ABLIM3: variants seen among roughly 807,000 people sequenced by gnomAD.
The protein encoded by ABLIM3 is actin-binding LIM protein 3.
ABLIM3 carries 61 observed loss-of-function variants against 109.5 expected under a neutral mutation model. The observed-to-expected ratio is 0.56, with a 90% CI of 0.45 to 0.69. The LOEUF is 0.69. ABLIM3 is among the 30% of genes least tolerant of loss of function. The pLI, the probability that ABLIM3 is intolerant of heterozygous loss-of-function variation, is 0.00. For synonymous variants in ABLIM3, 300 were observed against 324.8 expected (o/e 0.92, Z 0.82); for missense variants, 796 against 889.5 (o/e 0.89, Z 1.34).
chr5:149,202,676 G>C (rs1413427681), intron 5 of ABLIM3, among the ~76,000 whole-genome samples: 1 of 152,128 alleles, frequency 6.6e-6, no homozygotes, highest in African/African-American at 2.4e-5. Flanking sequence ...AGTAAATAAA[G>C]ATATTCTGGA....
At chr5:149,220,850 G>A (rs912722301) in intron 8 of ABLIM3, 4 of 152,192 alleles carry the variant, frequency 2.6e-5, no homozygotes, top group African/African-American at 7.2e-5. Flanking sequence ...CAAACTGGGG[G>A]CCACGCTATG....
intron 11 of ABLIM3, 99 bp downstream of exon 11, chr5:149,237,702 G>T: frequency 6.7e-7 from 1 of 1,491,806 alleles, no homozygotes; most frequent in Non-Finnish European, 9.1e-7. Flanking sequence ...CCTCCACAAT[G>T]CTGGCTCCCA....
chr5:149,176,862 G>A (rs1490350564), intron 2 of ABLIM3: 2 of 152,178 alleles, frequency 1.3e-5, no homozygotes, highest in Non-Finnish European at 2.9e-5. Flanking sequence ...TCCAGACTTA[G>A]GATAATGTAG....
intron 2 of ABLIM3, among the ~76,000 whole-genome samples, chr5:149,171,732 T>C (rs10054527): frequency 0.42 from 64,415 of 152,090 alleles, 14,292 homozygotes; most frequent in East Asian, 0.68. Context: ...GCCCACATCT[T>C]ATCCTGACTG....
chr5:149,227,894 C>A (rs754205533), intron 8 of ABLIM3, among the ~76,000 whole-genome samples: 1 of 152,168 alleles, frequency 6.6e-6, no homozygotes, highest in Non-Finnish European at 1.5e-5. Context: ...TCTGCAGTTC[C>A]TGCAGATATA....
At chr5:149,171,882 C>T (rs1004206541) in intron 2 of ABLIM3, among the ~76,000 whole-genome samples, 20 of 140,960 alleles carry the variant, frequency 1.4e-4, no homozygotes, top group African/African-American at 5.1e-4. Context: ...TGGCATAGAC[C>T]AGATGTCCAA....
At chr5:149,158,685 A>G (rs920293946) in intron 2 of ABLIM3, among the ~76,000 whole-genome samples, 2 of 152,230 alleles carry the variant, frequency 1.3e-5, no homozygotes, top group Non-Finnish European at 2.9e-5. Flanking sequence ...CACTGACCTA[A>G]ATAAACCAAA....
intron 2 of ABLIM3, among the ~76,000 whole-genome samples, chr5:149,168,527 G>A (rs1350966484): frequency 6.6e-6 from 1 of 152,144 alleles, no homozygotes. Flanking sequence ...TCTGCCTGAT[G>A]GGAGATGGCT....
chr5:149,143,353 A>T (rs913489774), intron 2 of ABLIM3, among the ~76,000 whole-genome samples: 20 of 151,812 alleles, frequency 1.3e-4, no homozygotes, highest in African/African-American at 4.6e-4. Context: ...ACAGAGTGAG[A>T]CTCTGTCTCA....
At position 149,259,711 on chromosome 5, in the gene ABLIM3, A is replaced by G. The variant is rs539476431; in HGVS notation, c.*1307A>G. 7.7e-5 allele frequency: 79 copies of G among 1,025,490 alleles called. No individual in the cohort carries two copies. The African/African-American group carries it at 1.0e-3, about 13-fold the overall frequency. 63.5% of individuals were successfully genotyped at this position (1,025,490 alleles called of 1,614,324 possible). ...CTCCTCTCCAAACCTTTCACCTTGA[A>G]TGGGTAATGTTTGGTGGGGGCTGTT... On this transcript the variant is annotated 3_prime_UTR_variant, in exon 24 of 24. Transcript: ENST00000309868.
intron 8 of ABLIM3, chr5:149,217,268 A>G: frequency 1.7e-6 from 1 of 575,918 alleles, no homozygotes; most frequent in Non-Finnish European, 3.1e-6. Flanking sequence ...GTCTCTGTGC[A>G]CCTCCACCCG....
At chr5:149,255,831 A>G (rs960014309) in intron 23 of ABLIM3, among the ~76,000 whole-genome samples, 1 of 152,194 alleles carries the variant, frequency 6.6e-6, no homozygotes, top group Non-Finnish European at 1.5e-5. Flanking sequence ...TGAAAAGATC[A>G]CCATGATAGT....
At chr5:149,208,795 A>G (rs1181378466) in intron 6 of ABLIM3, among the ~76,000 whole-genome samples, 2 of 152,180 alleles carry the variant, frequency 1.3e-5, no homozygotes. Flanking sequence ...TGGCCAAACA[A>G]CACCTGCCTG....
chr5:149,148,630 T>C (rs77055955), intron 2 of ABLIM3, among the ~76,000 whole-genome samples: 1,682 of 152,244 alleles, frequency 0.011, 22 homozygotes, highest in African/African-American at 0.038. Flanking sequence ...TATCACACTC[T>C]GCTTAAAGTG....
chr5:149,158,204 A>T (rs1754017938), intron 2 of ABLIM3, among the ~76,000 whole-genome samples: 1 of 152,184 alleles, frequency 6.6e-6, no homozygotes, highest in Admixed American at 6.5e-5. Flanking sequence ...CTCCTTGAAG[A>T]TAGAAATCAC....
At chr5:149,241,728 C>T (rs929044976) in intron 14 of ABLIM3, among the ~76,000 whole-genome samples, 2 of 152,162 alleles carry the variant, frequency 1.3e-5, no homozygotes, top group African/African-American at 2.4e-5. Context: ...CACTGCATTC[C>T]AGCCTGGGTG....
At position 149,259,587 on chromosome 5, in the gene ABLIM3, G is replaced by T. The variant is rs1387454463; in HGVS notation, c.*1183G>T. The T allele has an allele frequency of 8.5e-6, 13 of 1,535,958 alleles. No homozygotes were observed. Among genetic ancestry groups the T allele is most frequent in the African/African-American group, 1.4e-5 (1 of 73,044 alleles). ...GTGGCTGCTTATGAGATTCCAAAAT[G>T]AAGTGTTGGCCAACACCGCTCATGG... is the stretch of plus-strand genomic sequence containing the variant. On this transcript the variant is annotated 3_prime_UTR_variant, in exon 24 of 24. Coordinates refer to ENST00000309868, the MANE Select transcript of ABLIM3 (RefSeq NM_014945.5).
At chr5:149,230,801 C>A in intron 9 of ABLIM3, 94 bp downstream of exon 9, 1 of 1,394,560 alleles carries the variant, frequency 7.2e-7, no homozygotes. Context: ...GGTCAGCATT[C>A]CTTAGTGTGC....
rs76602159 is a variant in ABLIM3, at chr5:149,156,949, C to T, written c.13+14841C>T. Among the ~76,000 whole-genome samples, 546 of 152,322 alleles carry T rather than the reference C, an allele frequency of 3.6e-3. 5 individuals are homozygous for T. The highest frequency in any genetic ancestry group is 0.012 in the African/African-American group (504 of 41,584). On this transcript the variant is annotated intron_variant, in intron 2 of 23. Coordinates refer to ENST00000309868, the MANE Select transcript of ABLIM3 (RefSeq NM_014945.5). Reference sequence around the variant, plus strand: ...ACTAAATGACCTCGAAGGTCTTTTGCAACTTTGAGATTCTAGTCTGAGATT... The same window carrying T: ...ACTAAATGACCTCGAAGGTCTTTTGTAACTTTGAGATTCTAGTCTGAGATT...
Sources: gnomAD v4.1 joint callset for allele counts (sites outside exome capture counted in the v4.1 genomes callset) on GRCh38, gnomAD v4.1.1 for gene constraint, MANE v1.5 for transcripts, NCBI Gene and HGNC (gene_info 2026-07-23, HGNC 2026-07-21) for gene names.